Variants in TSHR observed in about 807,000 individuals in gnomAD.
TSHR encodes the protein thyroid stimulating hormone receptor.
A neutral mutation model predicts 64.1 loss-of-function variants in TSHR; 51 were observed. The observed-to-expected ratio is 0.80, with a 90% CI of 0.64 to 1.01. The LOEUF (loss-of-function observed/expected upper bound fraction) is 1.01. TSHR is among the 50% of genes least tolerant of loss of function. TSHR has a pLI of 0.00. For synonymous variants in TSHR, 361 were observed against 361.9 expected (o/e 1.00, Z 0.03); for missense variants, 877 against 942.8 (o/e 0.93, Z 0.91).
intron 8 of TSHR, among the ~76,000 whole-genome samples, chr14:81,123,573 G>A (rs904726619): frequency 6.6e-5 from 10 of 152,102 alleles, no homozygotes; most frequent in Admixed American, 4.6e-4. Flanking sequence ...TTCAAAAATC[G>A]TAAACTCCAT....
intron 1 of TSHR, chr14:80,991,444 G>A (rs2371463): frequency 0.48 from 189,040 of 391,112 alleles, 46,513 homozygotes; most frequent in East Asian, 0.63. Flanking sequence ...AAATTTTTGT[G>A]AAGGGCAAAA....
rs191392898 is a variant in TSHR at position 81,114,166 on chromosome 14, G to T, written c.692+5714G>T. Among the ~76,000 whole-genome samples the T allele has an allele frequency of 5.6e-3, 854 of 151,974 alleles. 9 individuals carry two copies. The highest frequency in any genetic ancestry group is 0.019 in the African/African-American group (800 of 41,472). The stretch of plus-strand genomic sequence containing the variant: ...AAAAACCTACAAAAAGTATCACTGG[G>T]GGGGAGGAGCCAAGATGGCCGAATA... On this transcript the variant is annotated intron_variant, in intron 8 of 9. Coordinates refer to ENST00000298171, the MANE Select transcript of TSHR (RefSeq NM_000369.5).
intron 1 of TSHR, chr14:80,991,639 G>T (rs773842066): frequency 2.8e-4 from 112 of 398,418 alleles, no homozygotes; most frequent in Non-Finnish European, 4.2e-4. Flanking sequence ...AGAAAGAGTT[G>T]ATGGCTAAGC....
Position 81,139,751 on chromosome 14 carries a change from A to G in TSHR, c.765A>G (p.Arg255=), listed in dbSNP as rs777128238. 30 of 1,614,112 alleles carry G rather than the reference A, an allele frequency of 1.9e-5. No individual in the cohort carries two copies. The highest frequency in any genetic ancestry group is 3.3e-5 in the Admixed American group (2 of 60,014). Residue 255 remains arginine (R), a synonymous_variant, in exon 9 of 10, where the codon AGA becomes AGG. Coordinates refer to ENST00000298171, the MANE Select transcript of TSHR (RefSeq NM_000369.5). ...AGCACCTGAAGGAACTGATAGCAAG[A>G]AACACCTGGACTCTTAAGAAACTTC... The part of the protein sequence containing the change: ...GLEHLKELIA[R]NTWTLKKLPL...
At chr14:81,071,319 A>G (rs978284714) in intron 3 of TSHR, among the ~76,000 whole-genome samples, 5 of 152,202 alleles carry the variant, frequency 3.3e-5, no homozygotes, top group African/African-American at 1.2e-4. Context: ...TTGACCTTTT[A>G]TCTTTATTAT....
At chr14:81,101,991 G>A (rs1383827245) in intron 7 of TSHR, among the ~76,000 whole-genome samples, 1 of 152,068 alleles carries the variant, frequency 6.6e-6, no homozygotes, top group African/African-American at 2.4e-5. Flanking sequence ...CTAACACGGT[G>A]AAACCCCGTC....
intron 1 of TSHR, among the ~76,000 whole-genome samples, chr14:81,054,248 T>G (rs1885614379): frequency 6.6e-6 from 1 of 152,228 alleles, no homozygotes; most frequent in South Asian, 2.1e-4. Context: ...ATGTAAGATG[T>G]GACTTGCTCC....
intron 7 of TSHR, among the ~76,000 whole-genome samples, chr14:81,100,618 T>G (rs1889517213): frequency 6.6e-6 from 1 of 152,254 alleles, no homozygotes; most frequent in South Asian, 2.1e-4. Context: ...TGCTTCTGAC[T>G]GACCAATTAT....
At chr14:81,068,851 AAAAT>A (rs1428459015) in intron 3 of TSHR, among the ~76,000 whole-genome samples, 1 of 152,220 alleles carries the variant, frequency 6.6e-6, no homozygotes, top group African/African-American at 2.4e-5. Context: ...TCTCATTTGC[AAAAT>A]AAGTGTAATA....
chr14:80,999,236 G>A (rs1420916755), intron 1 of TSHR, among the ~76,000 whole-genome samples: 1 of 152,132 alleles, frequency 6.6e-6, no homozygotes, highest in Non-Finnish European at 1.5e-5. Context: ...GAAGAATTCT[G>A]TTATTCTTTT....
At chr14:81,142,903 C>T in intron 9 of TSHR, 37 bp from the exon 10 acceptor site, 2 of 1,597,406 alleles carry the variant, frequency 1.3e-6, no homozygotes, top group Non-Finnish European at 1.7e-6. Flanking sequence ...AGCCACTGCG[C>T]CCAGCCTGGC....
At chr14:80,958,063 C>T (rs1886798122) in intron 1 of TSHR, 1 of 151,906 alleles carries the variant, frequency 6.6e-6, no homozygotes, top group African/African-American at 2.4e-5. Context: ...CTACCATCTG[C>T]AACAGTAGAA....
At chr14:81,138,628 A>G (rs1218670268) in intron 8 of TSHR, among the ~76,000 whole-genome samples, 1 of 152,178 alleles carries the variant, frequency 6.6e-6, no homozygotes, top group Admixed American at 6.5e-5. Flanking sequence ...GAATGGGGTT[A>G]ATACATGAGC....
chr14:81,127,993 C>T (rs1295151106), intron 8 of TSHR, among the ~76,000 whole-genome samples: 5 of 152,114 alleles, frequency 3.3e-5, no homozygotes, highest in East Asian at 3.9e-4. Flanking sequence ...TTACAGGATA[C>T]GGCAATTTTC....
At chr14:80,974,407 C>T (rs1284949128) in intron 1 of TSHR, among the ~76,000 whole-genome samples, 1 of 152,168 alleles carries the variant, frequency 6.6e-6, no homozygotes, top group African/African-American at 2.4e-5. Flanking sequence ...CAATAGAGCA[C>T]ATAAATCTGT....
At chr14:81,001,891 A>T (rs8007809) in intron 1 of TSHR, 26,072 of 210,828 alleles carry the variant, frequency 0.12, 1,968 homozygotes, top group East Asian at 0.37. Flanking sequence ...AAAGGAACAG[A>T]TGTTCCTTTC....
intron 1 of TSHR, chr14:81,033,308 G>GTGAAGACGCTCCAAGAT (rs1291246486): frequency 1.5e-5 from 6 of 402,662 alleles, no homozygotes; most frequent in African/African-American, 8.7e-5. Flanking sequence ...AGCTCCAAGA[G>GTGAAGACGCTCCAAGAT]TGAAGACACT....
chr14:81,130,422 T>C (rs1363745392), intron 8 of TSHR, among the ~76,000 whole-genome samples: 2 of 152,340 alleles, frequency 1.3e-5, no homozygotes, highest in South Asian at 4.1e-4. Context: ...CTCCTTGGAA[T>C]GTATTCTTCT....
intron 1 of TSHR, chr14:81,033,474 T>C (rs1884455493): frequency 6.4e-6 from 1 of 155,498 alleles, no homozygotes; most frequent in Non-Finnish European, 1.4e-5. Flanking sequence ...TGGGTGTTAA[T>C]AACTGGGAAA....
Sources: allele counts gnomAD v4.1 joint callset (sites outside exome capture counted in the v4.1 genomes callset), GRCh38; gene constraint gnomAD v4.1.1; transcripts MANE v1.5; gene names NCBI Gene and HGNC (gene_info 2026-07-23, HGNC 2026-07-21).